The following SGCZ variants were observed in gnomAD, a reference collection of about 807,000 sequenced individuals.
SGCZ encodes the protein sarcoglycan zeta.
SGCZ carries 40 observed loss-of-function variants against 41.3 expected under a neutral mutation model. The ratio of observed to expected loss-of-function variants is 0.97; its 90% CI spans 0.75 to 1.26. The LOEUF is 1.26. SGCZ is among the 50% of genes most tolerant of loss of function. The pLI is 0.00. For synonymous variants in SGCZ, 206 were observed against 137.5 expected (o/e 1.50, Z -3.49); for missense variants, 552 against 369.8 (o/e 1.49, Z -4.04).
chr8:14,796,783 T>C (rs1801145696), intron 1 of SGCZ, among the ~76,000 whole-genome samples: 1 of 152,104 alleles, frequency 6.6e-6, no homozygotes, highest in Non-Finnish European at 1.5e-5. Flanking sequence ...CCACATGTGG[T>C]GGTAGGGACC....
intron 2 of SGCZ, among the ~76,000 whole-genome samples, chr8:14,410,857 A>G (rs1728108000): frequency 6.6e-6 from 1 of 152,170 alleles, no homozygotes; most frequent in Admixed American, 6.6e-5. Context: ...CTTCTTTTCA[A>G]ATGGAACACT....
At chr8:14,351,680 T>G (rs190401584) in intron 2 of SGCZ, among the ~76,000 whole-genome samples, 46 of 152,076 alleles carry the variant, frequency 3.0e-4, no homozygotes, top group African/African-American at 1.1e-3. Flanking sequence ...CAAAGAATTT[T>G]AGATTACTTT....
intron 7 of SGCZ, among the ~76,000 whole-genome samples, chr8:14,095,289 T>C (rs1801808790): frequency 1.3e-5 from 2 of 152,118 alleles, no homozygotes; most frequent in African/African-American, 4.8e-5. Context: ...CCATCTTGAG[T>C]TAGTTTTCAT....
chr8:14,125,591 A>T (rs962641522), intron 5 of SGCZ, among the ~76,000 whole-genome samples: 1 of 152,192 alleles, frequency 6.6e-6, no homozygotes, highest in Non-Finnish European at 1.5e-5. Flanking sequence ...TTTCCATCAA[A>T]CTACAATGGA....
intron 3 of SGCZ, among the ~76,000 whole-genome samples, chr8:14,253,298 G>C (rs1427448342): frequency 6.6e-6 from 1 of 151,110 alleles, no homozygotes; most frequent in African/African-American, 2.4e-5. Context: ...AGTGTTTGCA[G>C]ATTTAATTTT....
intron 3 of SGCZ, among the ~76,000 whole-genome samples, chr8:14,266,487 C>A (rs1423345090): frequency 6.6e-6 from 1 of 151,986 alleles, no homozygotes; most frequent in African/African-American, 2.4e-5. Flanking sequence ...AGGAATTAGC[C>A]AGGTAGGGAC....
chr8:14,517,807 C>A (rs1802668868), intron 2 of SGCZ, among the ~76,000 whole-genome samples: 1 of 151,634 alleles, frequency 6.6e-6, no homozygotes. Flanking sequence ...TTTGAAAAGT[C>A]ATGATTTCCA....
chr8:14,351,917 C>A (rs1038862775), intron 2 of SGCZ, among the ~76,000 whole-genome samples: 1 of 152,024 alleles, frequency 6.6e-6, no homozygotes, highest in Non-Finnish European at 1.5e-5. Flanking sequence ...TGAACACGGA[C>A]ACTTTGTTTA....
chr8:14,134,422 G>A (rs901511915), intron 5 of SGCZ, among the ~76,000 whole-genome samples: 7 of 152,222 alleles, frequency 4.6e-5, no homozygotes, highest in African/African-American at 9.6e-5. Flanking sequence ...AAGATGACAG[G>A]TATGAATGAA....
chr8:14,561,726 G>C (rs1208354956), intron 1 of SGCZ, among the ~76,000 whole-genome samples: 1 of 152,000 alleles, frequency 6.6e-6, no homozygotes, highest in African/African-American at 2.4e-5. Flanking sequence ...GCATTTACTT[G>C]GATCCTCCTG....
chr8:14,943,569 C>A (rs1418302275), intron 1 of SGCZ, among the ~76,000 whole-genome samples: 1 of 151,966 alleles, frequency 6.6e-6, no homozygotes, highest in Non-Finnish European at 1.5e-5. Flanking sequence ...TGCCTGTTTT[C>A]TTTGTTAACT....
intron 3 of SGCZ, among the ~76,000 whole-genome samples, chr8:14,260,547 C>G (rs962691114): frequency 8.8e-5 from 13 of 148,002 alleles, no homozygotes; most frequent in Non-Finnish European, 1.0e-4. Context: ...GGCGATTCCT[C>G]AGGGATCTAG....
intron 1 of SGCZ, among the ~76,000 whole-genome samples, chr8:14,640,300 A>C (rs531214944): frequency 2.9e-4 from 44 of 151,652 alleles, no homozygotes; most frequent in Non-Finnish European, 5.9e-4. Context: ...GTTCTTACAA[A>C]GTTTGGGTAC....
chr8:14,954,896 T>A (rs1245043114), intron 1 of SGCZ, among the ~76,000 whole-genome samples: 2 of 152,204 alleles, frequency 1.3e-5, no homozygotes, highest in South Asian at 2.1e-4. Context: ...TACAGAGTAA[T>A]AGAAAACAAA....
chr8:14,399,912 G>A (rs1011591512), intron 2 of SGCZ, among the ~76,000 whole-genome samples: 2 of 151,698 alleles, frequency 1.3e-5, no homozygotes, highest in African/African-American at 4.8e-5. Context: ...TCCAAAATTG[G>A]GCAATTATCA....
intron 1 of SGCZ, among the ~76,000 whole-genome samples, chr8:15,017,028 C>T (rs1047117105): frequency 6.6e-6 from 1 of 152,166 alleles, no homozygotes; most frequent in Admixed American, 6.5e-5. Context: ...CACTAGACTC[C>T]ACCTTCAACA....
At chr8:14,296,757 TTAATC>T (rs1257811610) in intron 3 of SGCZ, among the ~76,000 whole-genome samples, 1 of 152,070 alleles carries the variant, frequency 6.6e-6, no homozygotes, top group African/African-American at 2.4e-5. Context: ...GGCTATTTAC[TTAATC>T]TAAAGTAATA....
chr8:14,750,910 A>G (rs1437478329), intron 1 of SGCZ, among the ~76,000 whole-genome samples: 3 of 152,228 alleles, frequency 2.0e-5, no homozygotes, highest in Admixed American at 6.5e-5. Flanking sequence ...ACAGATTGTG[A>G]CTAATTGAAA....
chr8:14,429,114 T>C (rs7014746), intron 2 of SGCZ, among the ~76,000 whole-genome samples: 2,602 of 152,318 alleles, frequency 0.017, 47 homozygotes, highest in African/African-American at 0.048. Context: ...AACATTATAG[T>C]CAGATCTCTG....
Sources: gnomAD v4.1 joint callset for allele counts (sites outside exome capture counted in the v4.1 genomes callset) on GRCh38, gnomAD v4.1.1 for gene constraint, MANE v1.5 for transcripts, NCBI Gene and HGNC (gene_info 2026-07-23, HGNC 2026-07-21) for gene names.